PHEX: variants seen among roughly 807,000 people sequenced by gnomAD.
The protein encoded by PHEX is phosphate regulating endopeptidase X-linked, also known as phosphate-regulating neutral endopeptidase PHEX.
In PHEX, 16 loss-of-function variants were observed where a neutral mutation model predicts 68.0. That is an observed-to-expected ratio of 0.24 (90% CI 0.16 to 0.36). The LOEUF is 0.36. Ranked by LOEUF, PHEX falls within the 10% of genes least tolerant of loss-of-function variation. PHEX has a pLI of 1.00. For synonymous variants in PHEX, 208 were observed against 205.1 expected, an observed-to-expected ratio of 1.01 and a Z score of -0.12; for missense variants, 480 against 575.5, an observed-to-expected ratio of 0.83 and a Z score of 1.70.
At chrX:22,218,711 A>G (rs1021329098) in intron 16 of PHEX, among the ~76,000 whole-genome samples, 1 of 112,316 alleles carries the variant, frequency 8.9e-6, no homozygotes, top group Non-Finnish European at 1.9e-5. Context: ...ATATATAGCT[A>G]TAGCAGATAA....
intron 15 of PHEX, among the ~76,000 whole-genome samples, chrX:22,212,464 A>G (rs995142348): frequency 8.9e-6 from 1 of 111,842 alleles, no homozygotes; most frequent in Non-Finnish European, 1.9e-5. Context: ...ATACAAGTTC[A>G]AAGATAAAAA....
At chrX:22,058,171 G>C (rs1208628127) in intron 3 of PHEX, among the ~76,000 whole-genome samples, 1 of 109,622 alleles carries the variant, frequency 9.1e-6, no homozygotes, top group Non-Finnish European at 1.9e-5. Flanking sequence ...GGTGGTTCAA[G>C]TTTGGGTTCT....
At chrX:22,067,440 T>C (rs1928659266) in intron 3 of PHEX, among the ~76,000 whole-genome samples, 1 of 111,406 alleles carries the variant, frequency 9.0e-6, no homozygotes, top group African/African-American at 3.3e-5. Context: ...TAGACCTAAA[T>C]GGGCCTATGC....
At chrX:22,209,372 G>A in intron 15 of PHEX, among the ~76,000 whole-genome samples, 1 of 111,287 alleles carries the variant, frequency 9.0e-6, no homozygotes, top group South Asian at 3.8e-4. Flanking sequence ...CGATACAGGT[G>A]TCACAGCTGT....
Position 22,250,349 on chromosome X carries a change from T to C in PHEX, c.*2396T>C, listed in dbSNP as rs1936533975. On this transcript the variant is annotated 3_prime_UTR_variant, in exon 22 of 22. Transcript: ENST00000379374. Reference sequence around the variant, plus strand: ...AGAAAAAAGTAGGGAGAAGCTGGCCTATGGATGTGGCTTTGAAGAGAAGAC... The same window carrying C: ...AGAAAAAAGTAGGGAGAAGCTGGCCCATGGATGTGGCTTTGAAGAGAAGAC... 8.9e-6 allele frequency: 1 copy of C among 112,107 alleles called. No homozygotes were observed. The highest frequency in any genetic ancestry group is 3.2e-5 in the African/African-American group (1 of 30,864). 9.2% of individuals were successfully genotyped at this position (112,107 alleles called of 1,213,427 possible). A position where few individuals can be genotyped will look rare whatever the true frequency, so the allele number is the denominator to read the frequency against.
At chrX:22,107,223 G>A (rs1178955612) in intron 9 of PHEX, among the ~76,000 whole-genome samples, 1 of 112,013 alleles carries the variant, frequency 8.9e-6, no homozygotes, top group Admixed American at 9.4e-5. Context: ...AAGGGCCCCT[G>A]CTTCTCAAAC....
chrX:22,137,435 A>C (rs759408791), intron 12 of PHEX, among the ~76,000 whole-genome samples: 162 of 111,087 alleles, frequency 1.5e-3, no homozygotes, highest in Non-Finnish European at 2.5e-3. Flanking sequence ...AATGGTCCTA[A>C]ATTTATTGGC....
At chrX:22,112,905 CA>C (rs1320399912) in intron 10 of PHEX, among the ~76,000 whole-genome samples, 2 of 106,927 alleles carry the variant, frequency 1.9e-5, no homozygotes, top group Non-Finnish European at 3.9e-5. Context: ...GACTCCGTCT[CA>C]AAAAAAAGAA....
intron 2 of PHEX, among the ~76,000 whole-genome samples, chrX:22,041,241 A>ATCTCTCTCTCTCTC (rs778017024): frequency 7.6e-4 from 39 of 51,134 alleles, no homozygotes; most frequent in African/African-American, 3.2e-3. Context: ...TTCTTAAGTG[A>ATCTCTCTCTCTCTC]TCTCTCTCTC....
intron 20 of PHEX, among the ~76,000 whole-genome samples, chrX:22,235,138 C>A (rs187530547): frequency 1.8e-5 from 2 of 111,808 alleles, no homozygotes; most frequent in Non-Finnish European, 3.8e-5. Context: ...GACCCTGCTT[C>A]GGCTTGCCCT....
intron 11 of PHEX, among the ~76,000 whole-genome samples, chrX:22,117,741 TC>T (rs1931294806): frequency 9.0e-6 from 1 of 111,190 alleles, no homozygotes; most frequent in African/African-American, 3.3e-5. Flanking sequence ...TTTGGCATCT[TC>T]CCCCTTATTT....
intron 12 of PHEX, among the ~76,000 whole-genome samples, chrX:22,162,382 C>T (rs1283442021): frequency 8.9e-6 from 1 of 112,248 alleles, no homozygotes; most frequent in Non-Finnish European, 1.9e-5. Context: ...GAAACTGGAC[C>T]TATGACTAAA....
Position 22,182,340 on chromosome X carries a change from G to A in PHEX, c.1586+3964G>A, listed in dbSNP as rs763149487. 2.7e-5 allele frequency among the ~76,000 whole-genome samples: 3 copies of A among 111,266 alleles called. No individual in the cohort carries two copies. In the East Asian group the frequency reaches 8.5e-4, roughly 31 times the overall value. Reference sequence around the variant, plus strand: ...ATCAGTTTACATGATCATATGCCCCGTGTTTCTTTCCACTGTGATAGGACA... The same window carrying A: ...ATCAGTTTACATGATCATATGCCCCATGTTTCTTTCCACTGTGATAGGACA... On this transcript the variant is annotated intron_variant, in intron 14 of 21. Coordinates refer to ENST00000379374, the MANE Select transcript of PHEX (RefSeq NM_000444.6).
rs764482983 is a variant in PHEX at position 22,152,616 on chromosome X, G to A, written c.1405-15696G>A. ...CATGGACAAATTTCACAGATGTGTT[G>A]TTGAGTGGAAGAAGCCAGATACAAA... On this transcript the variant is annotated intron_variant, in intron 12 of 21. Transcript: ENST00000379374. Among the ~76,000 whole-genome samples, 3 of 112,118 alleles carry A rather than the reference G, an allele frequency of 2.7e-5. 1 individual carries two copies. The South Asian group carries it at 1.1e-3, about 42-fold the overall frequency.
At chrX:22,083,416 T>C (rs959487970) in intron 5 of PHEX, among the ~76,000 whole-genome samples, 1 of 112,002 alleles carries the variant, frequency 8.9e-6, no homozygotes, top group Non-Finnish European at 1.9e-5. Context: ...GTCAATGGTA[T>C]TTTGATAGAG....
At chrX:22,232,256 G>A (rs1419647379) in intron 20 of PHEX, among the ~76,000 whole-genome samples, 2 of 111,348 alleles carry the variant, frequency 1.8e-5, no homozygotes, top group Non-Finnish European at 3.8e-5. Context: ...ATTGATTTGG[G>A]GTGGAGAGTT....
intron 13 of PHEX, among the ~76,000 whole-genome samples, chrX:22,169,063 C>T (rs1325822638): frequency 8.9e-6 from 1 of 111,753 alleles, no homozygotes; most frequent in Non-Finnish European, 1.9e-5. Flanking sequence ...CCTGTTTTTA[C>T]TATTCACTAG....
intron 15 of PHEX, among the ~76,000 whole-genome samples, chrX:22,208,352 G>A (rs1307181739): frequency 8.9e-6 from 1 of 112,025 alleles, no homozygotes; most frequent in East Asian, 2.8e-4. Context: ...GTCTATATCT[G>A]TACCTTGCTT....
intron 9 of PHEX, among the ~76,000 whole-genome samples, chrX:22,100,893 C>T (rs750489868): frequency 3.6e-5 from 4 of 111,514 alleles, no homozygotes; most frequent in Non-Finnish European, 7.5e-5. Context: ...AAAAATTGGC[C>T]AGGCGCGGTG....
Sources: gnomAD v4.1 joint callset for allele counts (sites outside exome capture counted in the v4.1 genomes callset) on GRCh38, gnomAD v4.1.1 for gene constraint, MANE v1.5 for transcripts, NCBI Gene and HGNC (gene_info 2026-07-23, HGNC 2026-07-21) for gene names.